RASGRP3: variants seen among roughly 807,000 people sequenced by gnomAD.
RASGRP3 encodes RAS guanyl releasing protein 3, also known as ras guanyl-releasing protein 3.
A neutral mutation model predicts 82.7 loss-of-function variants in RASGRP3; 54 were observed. The ratio of observed to expected loss-of-function variants is 0.65; its 90% CI spans 0.52 to 0.82. The LOEUF (loss-of-function observed/expected upper bound fraction) is 0.82, where lower values mean the gene tolerates loss of function less well. RASGRP3 is among the 40% of genes least tolerant of loss of function. The pLI, the probability that RASGRP3 is intolerant of heterozygous loss-of-function variation, is 0.00. For synonymous variants in RASGRP3, 309 were observed against 300.5 expected, an observed-to-expected ratio of 1.03 and a Z score of -0.29; for missense variants, 861 against 828.9, an observed-to-expected ratio of 1.04 and a Z score of -0.48.
At chr2:33,464,958 T>C (rs1666606070) in intron 2 of RASGRP3, among the ~76,000 whole-genome samples, 2 of 152,184 alleles carry the variant, frequency 1.3e-5, no homozygotes, top group Non-Finnish European at 2.9e-5. Context: ...AGTATTAAAA[T>C]TAGGCCAGTT....
Position 33,539,183 on chromosome 2 carries a change from C to T in RASGRP3, c.1251C>T (p.Ile417=), listed in dbSNP as rs1673976158. ...TGCCAAAGCCAGACCCCACGGTCAT[C>T]AACAAGCACATAAGGAAATTAGTGG... ...GVMPKPDPTV[I]NKHIRKLVES... Residue 417 remains isoleucine (I), a synonymous_variant, in exon 12 of 18, where the codon ATC becomes ATT. Coordinates refer to ENST00000403687, the MANE Select transcript of RASGRP3 (RefSeq NM_001139488.2). The T allele has an allele frequency of 1.2e-6, 2 of 1,609,046 alleles. No individual in the cohort carries two copies.
chr2:33,536,051 C>T (rs1673570645), intron 11 of RASGRP3, among the ~76,000 whole-genome samples: 1 of 151,954 alleles, frequency 6.6e-6, no homozygotes, highest in Non-Finnish European at 1.5e-5. Context: ...ACCTGTAATC[C>T]CAGCACTTTG....
intron 6 of RASGRP3, among the ~76,000 whole-genome samples, chr2:33,520,964 A>G (rs558860050): frequency 1.3e-5 from 2 of 152,322 alleles, no homozygotes; most frequent in South Asian, 4.1e-4. Flanking sequence ...TTGGCATGCA[A>G]TAGATGCTCA....
chr2:33,549,103 G>C (rs1236819331), intron 13 of RASGRP3, among the ~76,000 whole-genome samples: 1 of 152,118 alleles, frequency 6.6e-6, no homozygotes, highest in Non-Finnish European at 1.5e-5. Flanking sequence ...ATTGCTCCCA[G>C]CCAGTCGCAG....
chr2:33,536,488 C>T (rs531590503), intron 11 of RASGRP3, among the ~76,000 whole-genome samples: 1 of 151,988 alleles, frequency 6.6e-6, no homozygotes, highest in African/African-American at 2.4e-5. Context: ...TCAGGGACAA[C>T]TTAGGAATAG....
chr2:33,490,699 C>T (rs1263879087), intron 1 of RASGRP3, among the ~76,000 whole-genome samples: 2 of 152,202 alleles, frequency 1.3e-5, no homozygotes, highest in African/African-American at 2.4e-5. Flanking sequence ...TCTTCCAGAG[C>T]GATCTGAGCC....
Position 33,555,386 on chromosome 2 carries a change from T to G in RASGRP3, c.1543-145T>G, listed in dbSNP as rs1307057077. 7 of 545,628 alleles carry G rather than the reference T, an allele frequency of 1.3e-5. No homozygotes were observed. The East Asian group carries it at 1.9e-4, about 15-fold the overall frequency. The allele number at this position is 545,628 out of a possible 1,614,324, so 33.8% of individuals were successfully genotyped here. A position where few individuals can be genotyped will look rare whatever the true frequency, so the allele number is the denominator to read the frequency against. ...AAGGGGCCGGGAGAGGGTTCTTCTA[T>G]CTGGCAGGAAGGGTGTTAAAAGTGG... On this transcript the variant is annotated intron_variant, in intron 14 of 17. Coordinates refer to ENST00000403687, the MANE Select transcript of RASGRP3 (RefSeq NM_001139488.2).
chr2:33,441,039 C>T (rs1172159523), intron 1 of RASGRP3, among the ~76,000 whole-genome samples: 1 of 151,966 alleles, frequency 6.6e-6, no homozygotes. Flanking sequence ...ACTGCAGGAA[C>T]ACGCCACTGC....
At chr2:33,498,916 G>C (rs571726862) in intron 1 of RASGRP3, among the ~76,000 whole-genome samples, 31 of 151,954 alleles carry the variant, frequency 2.0e-4, no homozygotes, top group Admixed American at 3.9e-4. Flanking sequence ...GTCTGGCACA[G>C]AAATAAGTGT....
chr2:33,490,071 T>G (rs960078684), intron 1 of RASGRP3, among the ~76,000 whole-genome samples: 1 of 152,206 alleles, frequency 6.6e-6, no homozygotes, highest in Non-Finnish European at 1.5e-5. Flanking sequence ...CCTTTACTAA[T>G]TATAACTATT....
At chr2:33,499,627 C>T (rs570054655) in intron 1 of RASGRP3, among the ~76,000 whole-genome samples, 14 of 152,056 alleles carry the variant, frequency 9.2e-5, no homozygotes, top group Admixed American at 3.3e-4. Context: ...AGCAAAATCT[C>T]GGCATTTAAA....
intron 14 of RASGRP3, among the ~76,000 whole-genome samples, chr2:33,553,240 C>T (rs1322188405): frequency 2.0e-5 from 3 of 152,162 alleles, no homozygotes; most frequent in Non-Finnish European, 2.9e-5. Context: ...TCCTGTCTTT[C>T]CCTCAAGTGA....
chr2:33,442,003 G>A (rs557212920), intron 1 of RASGRP3, among the ~76,000 whole-genome samples: 34 of 152,080 alleles, frequency 2.2e-4, no homozygotes, highest in Non-Finnish European at 4.1e-4. Flanking sequence ...ACTATTCATA[G>A]TAAATGTTAA....
intron 1 of RASGRP3, among the ~76,000 whole-genome samples, chr2:33,479,339 C>G (rs1421151071): frequency 6.6e-6 from 1 of 152,154 alleles, no homozygotes; most frequent in Non-Finnish European, 1.5e-5. Flanking sequence ...TAACCTCCAG[C>G]ACACGGCTCC....
Position 33,498,847 on chromosome 2 carries a change from C to T in RASGRP3, c.-260-12863C>T, listed in dbSNP as rs972760695. ...CCCCCTCTCTAGATCCTCAAGCCTC[C>T]GAGATCACAATCTGTGCCTGACATA... On this transcript the variant is annotated intron_variant, in intron 1 of 17. Coordinates refer to ENST00000403687, the MANE Select transcript of RASGRP3 (RefSeq NM_001139488.2). Among the ~76,000 whole-genome samples, 6 of 152,144 alleles carry T rather than the reference C, an allele frequency of 3.9e-5. 1 individual carries two copies. Among genetic ancestry groups the T allele is most frequent in the Admixed American group, 1.3e-4 (2 of 15,284 alleles).
intron 1 of RASGRP3, among the ~76,000 whole-genome samples, chr2:33,484,399 A>G (rs904810969): frequency 1.3e-5 from 2 of 152,352 alleles, no homozygotes; most frequent in Admixed American, 6.5e-5. Flanking sequence ...GAAAACTCAT[A>G]CCATGAGTTC....
intron 6 of RASGRP3, 74 bp from the exon 7 acceptor site, chr2:33,521,881 G>A: frequency 6.6e-7 from 1 of 1,522,172 alleles, no homozygotes; most frequent in Non-Finnish European, 8.8e-7. Flanking sequence ...GAGTTGCAGA[G>A]TCAGTAGGTT....
At chr2:33,475,356 T>G (rs555356733), upstream of RASGRP3, among the ~76,000 whole-genome samples, 1 of 152,322 alleles carries the variant, frequency 6.6e-6, no homozygotes, top group African/African-American at 2.4e-5. Context: ...ATCCTCTATA[T>G]GGAGGGAAAT....
At chr2:33,509,926 A>G (rs543013106) in intron 1 of RASGRP3, among the ~76,000 whole-genome samples, 1 of 152,328 alleles carries the variant, frequency 6.6e-6, no homozygotes, top group East Asian at 1.9e-4. Context: ...CCTATGGAGT[A>G]TCAGGTAATA....
Sources: gnomAD v4.1 joint callset for allele counts (sites outside exome capture counted in the v4.1 genomes callset) on GRCh38, gnomAD v4.1.1 for gene constraint, MANE v1.5 for transcripts, NCBI Gene and HGNC (gene_info 2026-07-23, HGNC 2026-07-21) for gene names.